The following PLPP1 variants were observed in gnomAD, a reference collection of about 807,000 sequenced individuals.
PLPP1 encodes phospholipid phosphatase 1, also known as lipid phosphate phosphohydrolase 1a.
Under a neutral mutation model 31.2 loss-of-function variants are expected in PLPP1, and 24 were observed. The observed-to-expected ratio is 0.77, with a 90% CI of 0.56 to 1.08. PLPP1 has a LOEUF of 1.08. Among genes scored for constraint, PLPP1 ranks in the 50% least tolerant of loss-of-function variants. PLPP1 has a pLI of 0.00. For synonymous variants in PLPP1, 146 were observed against 126.3 expected, an observed-to-expected ratio of 1.16 and a Z score of -1.05; for missense variants, 319 against 342.7, an observed-to-expected ratio of 0.93 and a Z score of 0.55.
chr5:55,442,377 A>T (rs1751640132), intron 3 of PLPP1, among the ~76,000 whole-genome samples: 1 of 152,076 alleles, frequency 6.6e-6, no homozygotes, highest in Non-Finnish European at 1.5e-5. Context: ...ATTTTGGCCC[A>T]GCGCAGTGGC....
chr5:55,457,164 CAAAAA>C, intron 3 of PLPP1, among the ~76,000 whole-genome samples: 1 of 103,222 alleles, frequency 9.7e-6, no homozygotes. Context: ...CGTCTCAGAC[CAAAAA>C]AAAAAAAAAA....
At chr5:55,429,568 A>G (rs1205700454) in intron 4 of PLPP1, among the ~76,000 whole-genome samples, 1 of 152,060 alleles carries the variant, frequency 6.6e-6, no homozygotes, top group Non-Finnish European at 1.5e-5. Flanking sequence ...GAACTTGGGG[A>G]CTGCATGATG....
intron 1 of PLPP1, among the ~76,000 whole-genome samples, chr5:55,493,124 G>C (rs1752930955): frequency 6.6e-6 from 1 of 152,102 alleles, no homozygotes; most frequent in Non-Finnish European, 1.5e-5. Context: ...ACTAGCCTGG[G>C]CAACATATTG....
At chr5:55,456,922 G>T (rs1579935685) in intron 3 of PLPP1, among the ~76,000 whole-genome samples, 1 of 152,138 alleles carries the variant, frequency 6.6e-6, no homozygotes, top group East Asian at 1.9e-4. Flanking sequence ...AGCACTTTGG[G>T]AGGCTAAGGT....
intron 2 of PLPP1, among the ~76,000 whole-genome samples, chr5:55,472,759 A>AGG (rs1373838688): frequency 4.3e-4 from 2 of 4,690 alleles, no homozygotes; most frequent in Non-Finnish European, 2.2e-3. Flanking sequence ...GAGGAAGAGG[A>AGG]AGAAGAAGAG....
At chr5:55,499,033 T>C (rs1753063250) in intron 1 of PLPP1, among the ~76,000 whole-genome samples, 1 of 152,154 alleles carries the variant, frequency 6.6e-6, no homozygotes, top group Non-Finnish European at 1.5e-5. Context: ...TGCATCCTCT[T>C]TACTGATCCA....
intron 4 of PLPP1, among the ~76,000 whole-genome samples, chr5:55,429,289 G>T (rs1424683595): frequency 6.6e-6 from 1 of 151,776 alleles, no homozygotes; most frequent in Non-Finnish European, 1.5e-5. Flanking sequence ...CTTGCTTTCT[G>T]CTTGAAGAAC....
chr5:55,470,560 T>C (rs1752394336), intron 2 of PLPP1, among the ~76,000 whole-genome samples: 1 of 152,234 alleles, frequency 6.6e-6, no homozygotes, highest in Non-Finnish European at 1.5e-5. Context: ...ATAATGGGAA[T>C]GCAGGGGAGT....
At chr5:55,439,550 T>C (rs184346705) in intron 4 of PLPP1, among the ~76,000 whole-genome samples, 2 of 152,276 alleles carry the variant, frequency 1.3e-5, no homozygotes, top group Non-Finnish European at 2.9e-5. Flanking sequence ...TTTAACACAG[T>C]TGGTTCAAAC....
intron 3 of PLPP1, among the ~76,000 whole-genome samples, chr5:55,454,450 G>T (rs1325020962): frequency 6.6e-6 from 1 of 152,150 alleles, no homozygotes; most frequent in Admixed American, 6.5e-5. Flanking sequence ...ATCCAGACAG[G>T]TCAATAGGTT....
At chr5:55,528,115 C>T (rs1176918316) in intron 1 of PLPP1, among the ~76,000 whole-genome samples, 1 of 152,090 alleles carries the variant, frequency 6.6e-6, no homozygotes, top group Admixed American at 6.6e-5. Context: ...AAAGTTTTGT[C>T]AGTTCCAGCT....
chr5:55,450,536 C>G (rs1464704864), intron 3 of PLPP1, among the ~76,000 whole-genome samples: 1 of 152,146 alleles, frequency 6.6e-6, no homozygotes, highest in Non-Finnish European at 1.5e-5. Context: ...TCCAAACTCT[C>G]AGCAGGGAAA....
intron 3 of PLPP1, among the ~76,000 whole-genome samples, chr5:55,464,644 C>A (rs1461439667): frequency 6.6e-6 from 1 of 152,110 alleles, no homozygotes; most frequent in African/African-American, 2.4e-5. Context: ...ATCGAATATA[C>A]CTCAGGGGGA....
intron 1 of PLPP1, among the ~76,000 whole-genome samples, chr5:55,496,078 G>T (rs892062110): frequency 6.6e-6 from 1 of 152,022 alleles, no homozygotes; most frequent in African/African-American, 2.4e-5. Flanking sequence ...GGCTCATCTT[G>T]AACTCCTGCC....
At chr5:55,478,694 C>T (rs1432178209) in intron 1 of PLPP1, among the ~76,000 whole-genome samples, 1 of 152,028 alleles carries the variant, frequency 6.6e-6, no homozygotes, top group Non-Finnish European at 1.5e-5. Flanking sequence ...GGGGTAAGGG[C>T]AGGTCAGGAG....
chr5:55,426,268 C>CGTAT (rs749803979), intron 4 of PLPP1, among the ~76,000 whole-genome samples: 1 of 152,168 alleles, frequency 6.6e-6, no homozygotes, highest in Admixed American at 6.5e-5. Context: ...TCTAGCTATA[C>CGTAT]CACCCTTCAA....
intron 1 of PLPP1, among the ~76,000 whole-genome samples, chr5:55,528,423 T>C (rs1421936196): frequency 6.6e-6 from 1 of 152,250 alleles, no homozygotes; most frequent in Non-Finnish European, 1.5e-5. Context: ...TCTTCATCAT[T>C]AGACTCTGAG....
intron 1 of PLPP1, among the ~76,000 whole-genome samples, chr5:55,519,207 T>G (rs1753613469): frequency 6.6e-6 from 1 of 152,208 alleles, no homozygotes; most frequent in African/African-American, 2.4e-5. Context: ...AAGTTGAACA[T>G]TATCCATAAC....
chr5:55,430,498 AATC>A (rs1263326870), intron 4 of PLPP1, among the ~76,000 whole-genome samples: 3 of 152,226 alleles, frequency 2.0e-5, no homozygotes, highest in Admixed American at 6.5e-5. Context: ...CAGCCAAAGA[AATC>A]ATACTGAGAC....
Sources: gnomAD v4.1 joint callset for allele counts (sites outside exome capture counted in the v4.1 genomes callset) on GRCh38, gnomAD v4.1.1 for gene constraint, MANE v1.5 for transcripts, NCBI Gene and HGNC (gene_info 2026-07-23, HGNC 2026-07-21) for gene names.